Variants in BRSK1 observed in about 807,000 individuals in gnomAD.
BRSK1 encodes BR serine/threonine kinase 1.
Under a neutral mutation model 86.2 loss-of-function variants are expected in BRSK1, and 17 were observed. That is an observed-to-expected ratio of 0.20 (90% confidence interval 0.14 to 0.30). BRSK1 has a LOEUF of 0.30. BRSK1 is among the 10% of genes least tolerant of loss of function. The pLI is 1.00. For missense variants in BRSK1, 719 were observed against 1,071.9 expected (o/e 0.67, Z 4.60); for synonymous variants, 464 against 440.1 (o/e 1.05, Z -0.68).
Position 55,304,358 on chromosome 19 carries a change from G to C in BRSK1, c.1348-193G>C, listed in dbSNP as rs998104582. 1.3e-5 allele frequency among the ~76,000 whole-genome samples: 2 copies of C among 152,188 alleles called. No homozygotes were observed. Among genetic ancestry groups the C allele is most frequent in the African/African-American group, 4.8e-5 (2 of 41,450 alleles). On this transcript the variant is annotated intron_variant, in intron 13 of 18. Transcript: ENST00000309383. This position sits in a 1 kb window ranked among gnomAD's most constrained non-coding sequence, Gnocchi z 5.2. The stretch of plus-strand genomic sequence containing the variant: ...CTGCTGTGTACTAGTATCTGCACCG[G>C]CTGGGTTTTCAGCCCACAGCATGAT...
Position 55,304,602 on chromosome 19 carries a change from G to T in BRSK1, c.1399G>T (p.Gly467Cys), listed in dbSNP as rs1000166595. 1.3e-6 allele frequency: 2 copies of T among 1,577,600 alleles called. No homozygotes were observed. The highest frequency in any genetic ancestry group is 8.6e-7 in the Non-Finnish European group (1 of 1,163,824). The change falls in exon 14 of 19, where the codon GGC becomes TGC. Residue 467 changes from glycine (G) to cysteine (C), a missense_variant. Coordinates refer to ENST00000309383, the MANE Select transcript of BRSK1 (RefSeq NM_032430.2). This position sits in a 1 kb window ranked among gnomAD's most constrained non-coding sequence, Gnocchi z 5.2. Reference protein sequence around the residue: ...PEPGAGDEARGGGSPTSKTQT... With the variant: ...PEPGAGDEARCGGSPTSKTQT... ...GCCGGGGGCTGGAGATGAGGCTCGAGGCGGGGGCTCCCCGACTTCCAAAAC... is the reference window on the plus strand; with the variant it reads ...GCCGGGGGCTGGAGATGAGGCTCGATGCGGGGGCTCCCCGACTTCCAAAAC...
Position 55,302,309 on chromosome 19 carries a change from G to A in BRSK1, c.857+141G>A. ...GGACTCGGACTTATGGGTCCTGGGG[G>A]AAGAGGACACAGCTAGAGAAGGAGT... On this transcript the variant is annotated intron_variant, in intron 9 of 18. Transcript: ENST00000309383. This position sits in a 1 kb window ranked among gnomAD's most constrained non-coding sequence, Gnocchi z 6.3. 5.2e-6 allele frequency: 5 copies of A among 969,174 alleles called. No individual in the cohort carries two copies. The highest frequency in any genetic ancestry group is 2.4e-5 in the East Asian group (1 of 41,864). 60.0% of individuals were successfully genotyped at this position (969,174 alleles called of 1,614,324 possible). A position where few individuals can be genotyped will look rare whatever the true frequency, so the allele number is the denominator to read the frequency against.
chr19:55,303,060 C>T lies in BRSK1; in HGVS notation c.1028+193C>T, dbSNP rs747186655. 4.8e-4 allele frequency: 324 copies of T among 679,406 alleles called. No homozygotes were observed. Among genetic ancestry groups the T allele is most frequent in the Non-Finnish European group, 6.8e-4 (277 of 410,194 alleles). The allele number at this position is 679,406 out of a possible 1,614,324, so 42.1% of individuals were successfully genotyped here. A position where few individuals can be genotyped will look rare whatever the true frequency, so the allele number is the denominator to read the frequency against. On this transcript the variant is annotated intron_variant, in intron 10 of 18. Transcript: ENST00000309383. This position sits in a 1 kb window ranked among gnomAD's most constrained non-coding sequence, Gnocchi z 5.1. ...GCTGAGAAAGTATTAATAGATGCTG[C>T]GACATAGTACTTACATATACATAGT...
intron 18 of BRSK1, among the ~76,000 whole-genome samples, chr19:55,311,619 C>T (rs1332541690): frequency 6.6e-6 from 1 of 152,166 alleles, no homozygotes; most frequent in Non-Finnish European, 1.5e-5. Context: ...CTGAGAGTCT[C>T]CTAAAGTCAG....
rs1042035198 is a variant in BRSK1 at position 55,304,333 on chromosome 19, C to T, written c.1348-218C>T. On this transcript the variant is annotated intron_variant, in intron 13 of 18. Transcript: ENST00000309383. The surrounding 1 kb of genome is among the most constrained non-coding windows in gnomAD (Gnocchi z 5.2). The stretch of plus-strand genomic sequence containing the variant: ...GATTTTACAAAAGTTAGTTGAGTGC[C>T]TGCTGTGTACTAGTATCTGCACCGG... Among the ~76,000 whole-genome samples, 9 of 152,154 alleles carry T rather than the reference C, an allele frequency of 5.9e-5. No individual in the cohort carries two copies. The highest frequency in any genetic ancestry group is 2.2e-4 in the African/African-American group (9 of 41,446).
chr19:55,296,868 T>G (rs74855191), intron 7 of BRSK1, among the ~76,000 whole-genome samples: 4,326 of 150,508 alleles, frequency 0.029, 91 homozygotes, highest in Middle Eastern at 0.078. Context: ...AAAAAAAAAT[T>G]AGCCAGGCAT....
rs139195085 is a variant in BRSK1 at position 55,288,986 on chromosome 19, G to A, written c.318-494G>A. Reference sequence around the variant, plus strand: ...TGCAACCTTGCAATCGTTAATACTCGAAAATGAATTCAAATTTGAGTTTCC... The same window carrying A: ...TGCAACCTTGCAATCGTTAATACTCAAAAATGAATTCAAATTTGAGTTTCC... On this transcript the variant is annotated intron_variant, in intron 3 of 18. Coordinates refer to ENST00000309383, the MANE Select transcript of BRSK1 (RefSeq NM_032430.2). Among the ~76,000 whole-genome samples the A allele has an allele frequency of 1.4e-3, 219 of 152,260 alleles. 1 individual carries two copies. The highest frequency in any genetic ancestry group is 1.5e-3 in the Non-Finnish European group (101 of 68,022).
rs935215861 is a variant in BRSK1 at position 55,294,250 on chromosome 19, G to A, written c.609+3G>A. On this transcript the variant is annotated splice_donor_region_variant and intron_variant, in intron 6 of 18. Coordinates refer to ENST00000309383, the MANE Select transcript of BRSK1 (RefSeq NM_032430.2). This position sits in a 1 kb window ranked among gnomAD's most constrained non-coding sequence, Gnocchi z 4.9. ...ATGCGTGTCCAGAGGTGATTAAGGT[G>A]AGTGAGGGGCGGATAGAGGGGAGAG... 3 of 1,613,980 alleles carry A rather than the reference G, an allele frequency of 1.9e-6. No individual in the cohort carries two copies. Among genetic ancestry groups the A allele is most frequent in the Non-Finnish European group, 2.5e-6 (3 of 1,180,000 alleles).
At chr19:55,298,729 C>A (rs772039760) in intron 7 of BRSK1, among the ~76,000 whole-genome samples, 1 of 152,134 alleles carries the variant, frequency 6.6e-6, no homozygotes, top group East Asian at 1.9e-4. Flanking sequence ...TTTCGTGTCA[C>A]GTTTTTCACA....
rs892380850 is a variant in BRSK1, at chr19:55,306,139, C to T, written c.1891-113C>T. On this transcript the variant is annotated intron_variant, in intron 16 of 18. Transcript: ENST00000309383. The surrounding 1 kb of genome is among the most constrained non-coding windows in gnomAD (Gnocchi z 4.7). ...TGGGGCCTCCCAATGCATTTCCTGT[C>T]CTTCTTTCCCTCCAGTGGCTCATGG... 1.9e-6 allele frequency: 2 copies of T among 1,048,040 alleles called. No homozygotes were observed. The highest frequency in any genetic ancestry group is 1.6e-5 in the African/African-American group (1 of 63,344). 64.9% of individuals were successfully genotyped at this position (1,048,040 alleles called of 1,614,324 possible).
At position 55,284,400 on chromosome 19, in the gene BRSK1, G is replaced by C. The variant is rs1049787372; in HGVS notation, c.-43G>C. The C allele has an allele frequency of 2.3e-5, 25 of 1,109,798 alleles. No homozygotes were observed. The highest frequency in any genetic ancestry group is 9.8e-5 in the African/African-American group (6 of 61,376). The allele number at this position is 1,109,798 out of a possible 1,614,324, so 68.7% of individuals were successfully genotyped here. On this transcript the variant is annotated 5_prime_UTR_variant, in exon 1 of 19. Transcript: ENST00000309383. ...CGGAGAGACGGGGCGACGGCCGCAG[G>C]GGGGGCGGCCGGGGGACCGGTCGGG...
At position 55,306,385 on chromosome 19, in the gene BRSK1, C is replaced by T. The variant is rs755892185; in HGVS notation, c.2024C>T (p.Pro675Leu). 3 of 1,614,042 alleles carry T rather than the reference C, an allele frequency of 1.9e-6. No individual in the cohort carries two copies. The highest frequency in any genetic ancestry group is 2.5e-6 in the Non-Finnish European group (3 of 1,180,038). The change falls in exon 17 of 19, where the codon CCC becomes CTC. Residue 675 changes from proline to leucine, a missense_variant. Physicochemically the swap from Pro to Leu is moderately conservative, Grantham distance 98 (BLOSUM62 -3). Around this residue, in one of 6 missense-constraint regions of BRSK1, gnomAD observed 180 missense variants for 259.4 expected, o/e 0.69. Coordinates refer to ENST00000309383, the MANE Select transcript of BRSK1 (RefSeq NM_032430.2). This position sits in a 1 kb window ranked among gnomAD's most constrained non-coding sequence, Gnocchi z 4.7. ...VDISSSEGPEPSPRRDGSGGG... is the reference protein window; with the variant it reads ...VDISSSEGPELSPRRDGSGGG... ...ATCAGCTCCTCTGAGGGTCCAGAGC[C>T]CTCCCCGCGACGGGACGGCAGCGGA...
At chr19:55,301,438 G>A (rs1476795122) in intron 7 of BRSK1, 74 bp from the exon 8 acceptor site, 7 of 1,539,204 alleles carry the variant, frequency 4.5e-6, no homozygotes, top group Non-Finnish European at 8.8e-7. Context: ...GGAGATCACC[G>A]TAGTTCCCCA....
In BRSK1 at chr19:55,284,247, C is replaced by CG; in HGVS notation, c.-193dup. 2.1e-6 allele frequency: 1 copy of CG among 466,862 alleles called. No homozygotes were observed. The highest frequency in any genetic ancestry group is 3.8e-5 in the East Asian group (1 of 26,412). The allele number at this position is 466,862 out of a possible 1,614,324, so 28.9% of individuals were successfully genotyped here. On this transcript the variant is annotated 5_prime_UTR_variant, in exon 1 of 19. Transcript: ENST00000309383. Reference sequence around the variant, plus strand: ...GCTGACTCCCGGGGCCTGACCCCCCCGGGCCAGCCCCCCCTCCCCCAGCTC... The same window carrying CG: ...GCTGACTCCCGGGGCCTGACCCCCCCGGGGCCAGCCCCCCCTCCCCCAGCTC...
chr19:55,289,304 A>C (rs1220271839), intron 3 of BRSK1, among the ~76,000 whole-genome samples, 176 bp from the exon 4 acceptor site: 1 of 152,054 alleles, frequency 6.6e-6, no homozygotes, highest in Non-Finnish European at 1.5e-5. Context: ...CCTCCCAGGA[A>C]TTAATGGAAA....
intron 18 of BRSK1, among the ~76,000 whole-genome samples, chr19:55,309,979 TGAAAG>T (rs2088746834): frequency 6.6e-6 from 1 of 152,138 alleles, no homozygotes; most frequent in Admixed American, 6.5e-5. Context: ...TGGACCCCGT[TGAAAG>T]GAAACGGCCC....
At chr19:55,288,343 G>C (rs1373289545) in intron 3 of BRSK1, among the ~76,000 whole-genome samples, 1 of 151,886 alleles carries the variant, frequency 6.6e-6, no homozygotes, top group African/African-American at 2.4e-5. Context: ...GAGTGTGGTG[G>C]TACACCTGTA....
rs2088646856 is a variant in BRSK1, at chr19:55,306,125, A to G, written c.1891-127A>G. The G allele has an allele frequency of 1.1e-6, 1 of 890,562 alleles. No homozygotes were observed. The highest frequency in any genetic ancestry group is 2.6e-5 in the East Asian group (1 of 37,842). 55.2% of individuals were successfully genotyped at this position (890,562 alleles called of 1,614,324 possible). On this transcript the variant is annotated intron_variant, in intron 16 of 18. Coordinates refer to ENST00000309383, the MANE Select transcript of BRSK1 (RefSeq NM_032430.2). The surrounding 1 kb of genome is among the most constrained non-coding windows in gnomAD (Gnocchi z 4.7). ...GTCCTTGCAGGCAGTGGGGCCTCCC[A>G]ATGCATTTCCTGTCCTTCTTTCCCT...
At chr19:55,291,764 CTT>C (rs1269561246) in intron 4 of BRSK1, among the ~76,000 whole-genome samples, 1 of 152,040 alleles carries the variant, frequency 6.6e-6, no homozygotes, top group Non-Finnish European at 1.5e-5. Flanking sequence ...CGGTTTTTGT[CTT>C]TTTTTATTTT....
Sources: gnomAD v4.1 joint callset for allele counts (sites outside exome capture counted in the v4.1 genomes callset) on GRCh38, gnomAD v4.1.1 for gene constraint, gnomAD v4.1.1 regional missense constraint, Gnocchi (gnomAD v3.1) non-coding constraint, MANE v1.5 for transcripts, NCBI Gene and HGNC (gene_info 2026-07-23, HGNC 2026-07-21) for gene names.